Variants in TMEM186 observed in about 807,000 individuals in gnomAD.
The protein encoded by TMEM186 is transmembrane protein 186, also known as chromosome 16 open reading frame 51.
A neutral mutation model predicts 2.5 loss-of-function variants in TMEM186; 2 were observed. The observed-to-expected ratio is 0.79, with a 90% CI of 0.32 to 2.50. The LOEUF (loss-of-function observed/expected upper bound fraction) is 2.50. Among genes scored for constraint, TMEM186 ranks in the 30% most tolerant of loss-of-function variants. TMEM186 has a pLI of 0.11. For missense variants in TMEM186, 321 were observed against 276.5 expected, an observed-to-expected ratio of 1.16 and a Z score of -1.14; for synonymous variants, 120 against 104.9, an observed-to-expected ratio of 1.14 and a Z score of -0.88.
rs1170479151 is a variant in TMEM186 at position 8,796,507 on chromosome 16, C to T, written c.87G>A (p.Gly29=). Residue 29 remains glycine (G), a synonymous_variant, in exon 2 of 2, where the codon GGG becomes GGA. Coordinates refer to ENST00000333050, the MANE Select transcript of TMEM186 (RefSeq NM_015421.4). ...RPLHGLWCCS[G]QEDPKRWVGS... ...CCACCCACCTCTTAGGATCCTCCTG[C>T]CCACTGCAGCACCACAGCCCATGGA... The T allele has an allele frequency of 3.1e-6, 5 of 1,614,204 alleles. No individual in the cohort carries two copies. Among genetic ancestry groups the T allele is most frequent in the African/African-American group, 1.3e-5 (1 of 75,056 alleles).
At position 8,796,811 on chromosome 16, in the gene TMEM186, A is replaced by C. The variant is rs901727022; in HGVS notation, c.4-221T>G. On this transcript the variant is annotated intron_variant, in intron 1 of 1. Coordinates refer to ENST00000333050, the MANE Select transcript of TMEM186 (RefSeq NM_015421.4). ...TTTCCACTTTACCACTAGGGAAACT[A>C]AGCCCAGAGAGGGTAAGATATTTAC... is the stretch of plus-strand genomic sequence containing the variant. Among the ~76,000 whole-genome samples, 3 of 152,340 alleles carry C rather than the reference A, an allele frequency of 2.0e-5. No homozygotes were observed. In the South Asian group the frequency reaches 6.2e-4, roughly 32 times the overall value.
chr16:8,796,168 C>T lies in TMEM186; in HGVS notation c.426G>A (p.Val142=), dbSNP rs973310565. 3.7e-6 allele frequency: 6 copies of T among 1,614,098 alleles called. No homozygotes were observed. Among genetic ancestry groups the T allele is most frequent in the African/African-American group, 1.3e-5 (1 of 74,928 alleles). ...YLNESGTMLR[V]AHLNFWGWRQ... ...GCCAGCCCCAGAAGTTCAGATGGGC[C>T]ACCCGCAGCATGGTGCCAGACTCAT... The change falls in exon 2 of 2, where the codon GTG becomes GTA. Residue 142 remains valine, a synonymous_variant. Transcript: ENST00000333050.
rs2060568456 is a variant in TMEM186 at position 8,795,237 on chromosome 16, C to G, written c.*715G>C. ...CCATCCAAAGCAAGAGCCTCTAGAC[C>G]TCTGGGTGGTGAACAAATCTCAACT... On this transcript the variant is annotated 3_prime_UTR_variant, in exon 2 of 2. Transcript: ENST00000333050. The G allele has an allele frequency of 6.6e-6, 1 of 152,228 alleles. No homozygotes were observed. Among genetic ancestry groups the G allele is most frequent in the African/African-American group, 2.4e-5 (1 of 41,440 alleles). 9.4% of individuals were successfully genotyped at this position (152,228 alleles called of 1,614,324 possible).
At position 8,796,718 on chromosome 16, in the gene TMEM186, A is replaced by G. The variant is rs554415003; in HGVS notation, c.4-128T>C. On this transcript the variant is annotated intron_variant, in intron 1 of 1. Transcript: ENST00000333050. ...GCAAGGTAACCGTTATTGCCAGACG[A>G]GGGAAGGGTAAAGCCAGATGCTATC... 15 of 1,155,086 alleles carry G rather than the reference A, an allele frequency of 1.3e-5. No individual in the cohort carries two copies. In the South Asian group the frequency reaches 2.3e-4, roughly 18 times the overall value. The allele number at this position is 1,155,086 out of a possible 1,614,324, so 71.6% of individuals were successfully genotyped here. A position where few individuals can be genotyped will look rare whatever the true frequency, so the allele number is the denominator to read the frequency against.
Position 8,796,128 on chromosome 16 carries a change from A to G in TMEM186, c.466T>C (p.Cys156Arg), listed in dbSNP as rs766974415. The G allele has an allele frequency of 6.2e-7, 1 of 1,614,238 alleles. No homozygotes were observed. The highest frequency in any genetic ancestry group is 8.5e-7 in the Non-Finnish European group (1 of 1,180,038). Reference protein sequence around the residue: ...NFWGWRQDTYCPMADVIPLTE... With the variant: ...NFWGWRQDTYRPMADVIPLTE... The stretch of plus-strand genomic sequence containing the variant: ...AGGGGAATCACATCTGCCATGGGAC[A>G]GTATGTGTCCTGCCGCCAGCCCCAG... Residue 156 changes from cysteine to arginine, a missense_variant, in exon 2 of 2, where the codon TGT becomes CGT. Coordinates refer to ENST00000333050, the MANE Select transcript of TMEM186 (RefSeq NM_015421.4).
At position 8,796,345 on chromosome 16, in the gene TMEM186, C is replaced by T; in HGVS notation, c.249G>A (p.Val83=). Residue 83 remains valine (V), a synonymous_variant, in exon 2 of 2, where the codon GTG becomes GTA. Transcript: ENST00000333050. ...RLKLAQTALT[V]VALPPGYYLY... ...AGTAATAGCCTGGTGGCAAAGCTAC[C>T]ACTGTCAGGGCAGTCTGTGCCAACT... 6.2e-7 allele frequency: 1 copy of T among 1,614,230 alleles called. No homozygotes were observed. The highest frequency in any genetic ancestry group is 8.5e-7 in the Non-Finnish European group (1 of 1,180,048).
At position 8,795,271 on chromosome 16, in the gene TMEM186, G is replaced by C. The variant is rs958829264; in HGVS notation, c.*681C>G. The C allele has an allele frequency of 7.2e-5, 11 of 152,266 alleles. No individual in the cohort carries two copies. Among genetic ancestry groups the C allele is most frequent in the Admixed American group, 7.2e-4 (11 of 15,278 alleles). 9.4% of individuals were successfully genotyped at this position (152,266 alleles called of 1,614,324 possible). ...GTGAACAAATCTCAACTGGGGTTTC[G>C]TGCCTACCTGGACGACATCTGCTCG... On this transcript the variant is annotated 3_prime_UTR_variant, in exon 2 of 2. Transcript: ENST00000333050.
Position 8,797,604 on chromosome 16 carries a change from C to T in TMEM186, c.3+8G>A, listed in dbSNP as rs778788015. ...CACCCCCTCAAGGCTCGCCACCCGC[C>T]TCCTTACCATGGCCCCACCACCTGC... On this transcript the variant is annotated splice_region_variant and intron_variant, in intron 1 of 1. Transcript: ENST00000333050. The T allele has an allele frequency of 2.5e-6, 4 of 1,605,302 alleles. No homozygotes were observed. Among genetic ancestry groups the T allele is most frequent in the East Asian group, 2.2e-5 (1 of 44,622 alleles).
intron 1 of TMEM186, among the ~76,000 whole-genome samples, chr16:8,797,135 C>A (rs2060581831): frequency 6.6e-6 from 1 of 152,152 alleles, no homozygotes. Flanking sequence ...CTGCTGCTTT[C>A]TCTTAGCCTA....
Position 8,797,620 on chromosome 16 carries a change from C to CA in TMEM186, c.-7dup. 5 of 1,604,914 alleles carry CA rather than the reference C, an allele frequency of 3.1e-6. No individual in the cohort carries two copies. Among genetic ancestry groups the CA allele is most frequent in the Non-Finnish European group, 4.3e-6 (5 of 1,176,218 alleles). On this transcript the variant is annotated 5_prime_UTR_variant, in exon 1 of 2. Transcript: ENST00000333050. ...GCCACCCGCCTCCTTACCATGGCCC[C>CA]ACCACCTGCTGCCGGAAGTAAATCC...
rs118035110 is a variant in TMEM186, at chr16:8,796,399, G to C, written c.195C>G (p.Ile65Met). 1.3e-4 allele frequency: 204 copies of C among 1,614,234 alleles called. No individual in the cohort carries two copies. Among genetic ancestry groups the C allele is most frequent in the Non-Finnish European group, 1.3e-4 (152 of 1,180,034 alleles). Residue 65 changes from isoleucine (I) to methionine (M), a missense_variant, in exon 2 of 2, where the codon ATC becomes ATG. Ile to Met is a conservative substitution (Grantham distance 10, BLOSUM62 1). Transcript: ENST00000333050. ...KFWMFYRFDA[I>M]RTFGFLSRLK... ...GTCGTGACAGGAACCCGAAGGTTCT[G>C]ATGGCATCAAAACGGTAAAACATCC... is the stretch of plus-strand genomic sequence containing the variant.
Position 8,795,994 on chromosome 16 carries a change from C to T in TMEM186, c.600G>A (p.Glu200=). 1 of 1,614,100 alleles carries T rather than the reference C, an allele frequency of 6.2e-7. No individual in the cohort carries two copies. The highest frequency in any genetic ancestry group is 8.5e-7 in the Non-Finnish European group (1 of 1,179,928). ...TLRYGRILDR[E]RFTQVFGVHQ... ...GTACCCCAAACACCTGTGTGAAACG[C>T]TCTCTGTCCAGGATGCGTCCATAGC... Residue 200 remains glutamate, a synonymous_variant, in exon 2 of 2, where the codon GAG becomes GAA. Transcript: ENST00000333050.
In TMEM186 at chr16:8,795,758, T is replaced by G; in HGVS notation, c.*194A>C. 1 of 650,772 alleles carries G rather than the reference T, an allele frequency of 1.5e-6. No individual in the cohort carries two copies. The highest frequency in any genetic ancestry group is 2.3e-5 in the South Asian group (1 of 42,588). The allele number at this position is 650,772 out of a possible 1,614,324, so 40.3% of individuals were successfully genotyped here. A position where few individuals can be genotyped will look rare whatever the true frequency, so the allele number is the denominator to read the frequency against. On this transcript the variant is annotated 3_prime_UTR_variant, in exon 2 of 2. Coordinates refer to ENST00000333050, the MANE Select transcript of TMEM186 (RefSeq NM_015421.4). ...GTCACAAACAAGTGCTGTAAGAACTTGCTTAGAGCCTTTTTCCTAAACCTG... is the reference window on the plus strand; with the variant it reads ...GTCACAAACAAGTGCTGTAAGAACTGGCTTAGAGCCTTTTTCCTAAACCTG...
chr16:8,795,872 T>C lies in TMEM186; in HGVS notation c.*80A>G, dbSNP rs2141012474. ...AAGTCTCCAAGTACCCAGTCCCCTT[T>C]CTTCAGCCTTGCCCACACCCTCAGC... On this transcript the variant is annotated 3_prime_UTR_variant, in exon 2 of 2. Coordinates refer to ENST00000333050, the MANE Select transcript of TMEM186 (RefSeq NM_015421.4). 1 of 1,504,920 alleles carries C rather than the reference T, an allele frequency of 6.6e-7. No individual in the cohort carries two copies. Among genetic ancestry groups the C allele is most frequent in the African/African-American group, 1.4e-5 (1 of 71,682 alleles). The allele number at this position is 1,504,920 out of a possible 1,614,324, so 93.2% of individuals were successfully genotyped here.
At position 8,796,366 on chromosome 16, in the gene TMEM186, C is replaced by G. The variant is rs768728631; in HGVS notation, c.228G>C (p.Leu76Phe). 2.5e-6 allele frequency: 4 copies of G among 1,614,082 alleles called. No homozygotes were observed. The highest frequency in any genetic ancestry group is 3.4e-6 in the Non-Finnish European group (4 of 1,180,048). The change falls in exon 2 of 2, where the codon TTG becomes TTC. Residue 76 changes from leucine to phenylalanine, a missense_variant. By Grantham distance (22) the Leu-to-Phe change is conservative. Transcript: ENST00000333050. ...CTACCACTGTCAGGGCAGTCTGTGC[C>G]AACTTCAGTCGTGACAGGAACCCGA... ...RTFGFLSRLK[L>F]AQTALTVVAL...
Position 8,795,917 on chromosome 16 carries a change from A to G in TMEM186, c.*35T>C. On this transcript the variant is annotated 3_prime_UTR_variant, in exon 2 of 2. Coordinates refer to ENST00000333050, the MANE Select transcript of TMEM186 (RefSeq NM_015421.4). Reference sequence around the variant, plus strand: ...CTCAGCCTTCCTGTTAATCCAGGCGACCCAGGGTTACCCAGAGGTCCAGGT... The same window carrying G: ...CTCAGCCTTCCTGTTAATCCAGGCGGCCCAGGGTTACCCAGAGGTCCAGGT... The G allele has an allele frequency of 1.9e-6, 3 of 1,585,046 alleles. No homozygotes were observed. The highest frequency in any genetic ancestry group is 2.6e-6 in the Non-Finnish European group (3 of 1,162,802).
At position 8,795,897 on chromosome 16, in the gene TMEM186, C is replaced by T; in HGVS notation, c.*55G>A. On this transcript the variant is annotated 3_prime_UTR_variant, in exon 2 of 2. Coordinates refer to ENST00000333050, the MANE Select transcript of TMEM186 (RefSeq NM_015421.4). ...TCTTCAGCCTTGCCCACACCCTCAGCCTTCCTGTTAATCCAGGCGACCCAG... is the reference window on the plus strand; with the variant it reads ...TCTTCAGCCTTGCCCACACCCTCAGTCTTCCTGTTAATCCAGGCGACCCAG... 6.4e-7 allele frequency: 1 copy of T among 1,562,730 alleles called. No individual in the cohort carries two copies. Among genetic ancestry groups the T allele is most frequent in the East Asian group, 2.3e-5 (1 of 44,434 alleles).
intron 1 of TMEM186, 75 bp downstream of exon 1, chr16:8,797,537 G>A (rs907253200): frequency 1.3e-6 from 2 of 1,531,260 alleles, no homozygotes; most frequent in African/African-American, 1.4e-5. Context: ...CCCGAGCGTC[G>A]GGCCTGCCCG....
rs1376850984 is a variant in TMEM186 at position 8,795,474 on chromosome 16, ATTGT to A, written c.*474_*477del. On this transcript the variant is annotated 3_prime_UTR_variant, in exon 2 of 2. Coordinates refer to ENST00000333050, the MANE Select transcript of TMEM186 (RefSeq NM_015421.4). The stretch of plus-strand genomic sequence containing the variant: ...TGAGTCTGCCACACGTTTGACATTT[ATTGT>A]TTATTCCCACACCCATCCCATGAAA... 2 of 159,234 alleles carry A rather than the reference ATTGT, an allele frequency of 1.3e-5. No individual in the cohort carries two copies. Among genetic ancestry groups the A allele is most frequent in the African/African-American group, 4.8e-5 (2 of 41,510 alleles). The allele number at this position is 159,234 out of a possible 1,614,324, so 9.9% of individuals were successfully genotyped here.
Sources: allele counts gnomAD v4.1 joint callset (sites outside exome capture counted in the v4.1 genomes callset), GRCh38; gene constraint gnomAD v4.1.1; transcripts MANE v1.5; gene names NCBI Gene and HGNC (gene_info 2026-07-23, HGNC 2026-07-21).